Variants in SMARCD1 observed in about 807,000 individuals in gnomAD.
SMARCD1 encodes the protein SWI/SNF-related matrix-associated actin-dependent regulator of chromatin subfamily D member 1.
A neutral mutation model predicts 70.8 loss-of-function variants in SMARCD1; 16 were observed. That is an observed-to-expected ratio of 0.23 (90% CI 0.15 to 0.34). The LOEUF is 0.34. Among genes scored for constraint, SMARCD1 ranks in the 10% least tolerant of loss-of-function variants. The pLI, the probability that SMARCD1 is intolerant of heterozygous loss-of-function variation, is 1.00. For missense variants in SMARCD1, 409 were observed against 655.5 expected, an observed-to-expected ratio of 0.62 and a Z score of 4.11; for synonymous variants, 249 against 246.0, an observed-to-expected ratio of 1.01 and a Z score of -0.11.
Position 50,097,596 on chromosome 12 carries a change from A to G in SMARCD1, c.1392+624A>G, listed in dbSNP as rs1035928871. Among the ~76,000 whole-genome samples the G allele has an allele frequency of 5.3e-5, 8 of 151,018 alleles. No homozygotes were observed. The East Asian group carries it at 5.9e-4, about 11-fold the overall frequency. ...AGTATGATACAAAGTAGTAAACCAC[A>G]TAAGACATTATCAGGCCAGGTGCGG... On this transcript the variant is annotated intron_variant, in intron 11 of 12. Coordinates refer to ENST00000394963, the MANE Select transcript of SMARCD1 (RefSeq NM_003076.5).
In SMARCD1 at chr12:50,085,537, G is replaced by T; in HGVS notation, c.168G>T (p.Ala56=). ...QGLYRSPMPG[A]AYPRPGMLPG... ...TGTACCGCTCCCCGATGCCCGGAGC[G>T]GCCTATCCGGTGAGTGGGGCAGGAG... Residue 56 remains alanine (A), a synonymous_variant, in exon 1 of 13, where the codon GCG becomes GCT. Transcript: ENST00000394963. 1 of 1,234,012 alleles carries T rather than the reference G, an allele frequency of 8.1e-7. No individual in the cohort carries two copies. Among genetic ancestry groups the T allele is most frequent in the East Asian group, 3.2e-5 (1 of 31,666 alleles). 76.4% of individuals were successfully genotyped at this position (1,234,012 alleles called of 1,614,324 possible).
At chr12:50,087,536 A>G (rs1369268172) in intron 5 of SMARCD1, 51 bp downstream of exon 5, 1 of 1,602,914 alleles carries the variant, frequency 6.2e-7, no homozygotes. Flanking sequence ...GCTGCTGGGA[A>G]TGAACAGTGT....
At chr12:50,094,925 G>A (rs761801171) in intron 10 of SMARCD1, among the ~76,000 whole-genome samples, 1 of 152,114 alleles carries the variant, frequency 6.6e-6, no homozygotes, top group Non-Finnish European at 1.5e-5. Flanking sequence ...AGCCTCCCAA[G>A]TAGCTGGGAT....
chr12:50,087,604 A>AGAG, intron 5 of SMARCD1, 119 bp downstream of exon 5: 3 of 1,198,592 alleles, frequency 2.5e-6, no homozygotes, highest in Non-Finnish European at 3.6e-6. Flanking sequence ...AGCAGTAAGG[A>AGAG]GAGGGACACT....
chr12:50,090,072 A>T, intron 7 of SMARCD1, 87 bp downstream of exon 7: 1 of 1,365,542 alleles, frequency 7.3e-7, no homozygotes, highest in South Asian at 1.2e-5. Context: ...TCTAGTTGTG[A>T]ATAATTTGCC....
rs746898820 is a variant in SMARCD1, at chr12:50,089,936, C to T, written c.824C>T (p.Pro275Leu). ...QETDGFQVKR[P>L]GDVNVRCTVL... ...ACCGATGGCTTTCAGGTGAAGCGGCCGGGAGACGTGAATGTACGGTGTACT... is the reference window on the plus strand; with the variant it reads ...ACCGATGGCTTTCAGGTGAAGCGGCTGGGAGACGTGAATGTACGGTGTACT... Residue 275 changes from proline (P) to leucine (L), a missense_variant, in exon 7 of 13, where the codon CCG (proline) becomes CTG (leucine). Around this residue, in one of 2 missense-constraint regions of SMARCD1, gnomAD observed 269 missense variants for 498.6 expected, o/e 0.54. Coordinates refer to ENST00000394963, the MANE Select transcript of SMARCD1 (RefSeq NM_003076.5). 4 of 1,614,020 alleles carry T rather than the reference C, an allele frequency of 2.5e-6. No homozygotes were observed. Among genetic ancestry groups the T allele is most frequent in the Non-Finnish European group, 3.4e-6 (4 of 1,180,028 alleles).
chr12:50,085,380 G>T lies in SMARCD1; in HGVS notation c.11G>T (p.Arg4Leu). Residue 4 changes from arginine (R) to leucine (L), a missense_variant, in exon 1 of 13, where the codon CGG becomes CTG. Arg to Leu is a moderately radical substitution (Grantham distance 102). Around this residue, in one of 2 missense-constraint regions of SMARCD1, gnomAD observed 140 missense variants for 156.9 expected, o/e 0.89. Coordinates refer to ENST00000394963, the MANE Select transcript of SMARCD1 (RefSeq NM_003076.5). Reference sequence around the variant, plus strand: ...GGCGGCTCCGGGAAGATGGCGGCCCGGGCGGGTTTCCAGTCTGTGGCTCCA... The same window carrying T: ...GGCGGCTCCGGGAAGATGGCGGCCCTGGCGGGTTTCCAGTCTGTGGCTCCA... The part of the protein sequence containing the change: MAA[R>L]AGFQSVAPSG... 2 of 1,264,256 alleles carry T rather than the reference G, an allele frequency of 1.6e-6. No individual in the cohort carries two copies. Among genetic ancestry groups the T allele is most frequent in the Non-Finnish European group, 2.0e-6 (2 of 1,007,066 alleles). 78.3% of individuals were successfully genotyped at this position (1,264,256 alleles called of 1,614,324 possible).
At chr12:50,088,956 T>G (rs1487987003) in intron 6 of SMARCD1, 2 of 177,174 alleles carry the variant, frequency 1.1e-5, no homozygotes, top group African/African-American at 2.4e-5. Context: ...TTAATAATGG[T>G]GAGATGTAGT....
chr12:50,094,290 T>C, intron 9 of SMARCD1, 147 bp from the exon 10 acceptor site: 4 of 712,504 alleles, frequency 5.6e-6, no homozygotes, highest in Non-Finnish European at 9.5e-6. Flanking sequence ...CACAATAAAG[T>C]GTAGAACATT....
At chr12:50,092,898 C>T (rs973889352) in intron 9 of SMARCD1, among the ~76,000 whole-genome samples, 9 of 152,082 alleles carry the variant, frequency 5.9e-5, no homozygotes, top group Admixed American at 2.0e-4. Flanking sequence ...ATTTGTTTGG[C>T]TGGGCGCAGT....
In SMARCD1 at chr12:50,094,079, A is replaced by T. The variant is rs115312237; in HGVS notation, c.1134-358A>T. On this transcript the variant is annotated intron_variant, in intron 9 of 12. Transcript: ENST00000394963. Reference sequence around the variant, plus strand: ...AAATATTTTTTTTAAAGGGAGAAAGATATATAGGAGACTGTAGCAGTGATT... The same window carrying T: ...AAATATTTTTTTTAAAGGGAGAAAGTTATATAGGAGACTGTAGCAGTGATT... Among the ~76,000 whole-genome samples the T allele has an allele frequency of 9.3e-3, 1,423 of 152,282 alleles. 14 individuals carry two copies. The highest frequency in any genetic ancestry group is 0.033 in the African/African-American group (1,368 of 41,538).
intron 9 of SMARCD1, among the ~76,000 whole-genome samples, chr12:50,093,063 C>T (rs1011957345): frequency 6.6e-6 from 1 of 151,744 alleles, no homozygotes; most frequent in Non-Finnish European, 1.5e-5. Context: ...GTAGTCCCAG[C>T]TACTTGGGAG....
At chr12:50,086,530 T>G in intron 2 of SMARCD1, 91 bp from the exon 3 acceptor site, 1 of 1,338,338 alleles carries the variant, frequency 7.5e-7, no homozygotes, top group South Asian at 1.2e-5. Flanking sequence ...TTGCAGTCCC[T>G]TCACATTACT....
chr12:50,092,258 GAGAC>G (rs1182825302), intron 9 of SMARCD1, among the ~76,000 whole-genome samples: 42 of 7,602 alleles, frequency 5.5e-3, no homozygotes, highest in African/African-American at 0.017. Context: ...TTTTTTTTTT[GAGAC>G]AGACAGAATC....
chr12:50,088,722 G>A (rs1430079699), intron 6 of SMARCD1, 85 bp downstream of exon 6: 2 of 732,444 alleles, frequency 2.7e-6, no homozygotes, highest in Admixed American at 5.1e-5. Flanking sequence ...AGGAGATGGG[G>A]AGGTATAAAG....
intron 10 of SMARCD1, 109 bp downstream of exon 10, chr12:50,094,681 G>A: frequency 1.9e-6 from 2 of 1,043,540 alleles, no homozygotes; most frequent in Non-Finnish European, 2.9e-6. Context: ...CCCAGTATAT[G>A]TCAGGTACTG....
intron 9 of SMARCD1, among the ~76,000 whole-genome samples, chr12:50,092,443 C>T (rs981497766): frequency 6.7e-6 from 1 of 150,078 alleles, no homozygotes; most frequent in Admixed American, 6.6e-5. Flanking sequence ...AGGATGGTCT[C>T]GATCTCTTGG....
chr12:50,085,557 C>T lies in SMARCD1; in HGVS notation c.177+11C>T, dbSNP rs941999997. The T allele has an allele frequency of 8.2e-7, 1 of 1,226,916 alleles. No homozygotes were observed. The highest frequency in any genetic ancestry group is 1.0e-6 in the Non-Finnish European group (1 of 985,050). The allele number at this position is 1,226,916 out of a possible 1,614,324, so 76.0% of individuals were successfully genotyped here. A position where few individuals can be genotyped will look rare whatever the true frequency, so the allele number is the denominator to read the frequency against. On this transcript the variant is annotated intron_variant, in intron 1 of 12. Transcript: ENST00000394963. The stretch of plus-strand genomic sequence containing the variant: ...GGAGCGGCCTATCCGGTGAGTGGGG[C>T]AGGAGGAGGGGCGCGCGGGCCGGGG...
chr12:50,088,571 C>G lies in SMARCD1; in HGVS notation c.705C>G (p.Ser235=), dbSNP rs1225364441. 11 of 1,611,438 alleles carry G rather than the reference C, an allele frequency of 6.8e-6. No individual in the cohort carries two copies. The South Asian group carries it at 1.2e-4, about 18-fold the overall frequency. Residue 235 remains serine (S), a synonymous_variant, in exon 6 of 13, where the codon TCC becomes TCG. Coordinates refer to ENST00000394963, the MANE Select transcript of SMARCD1 (RefSeq NM_003076.5). Reference sequence around the variant, plus strand: ...CTAAACAAAAGAGGAAGTTCTCTTCCTTTTTTAAGTCCTTGGTGATTGAAC... The same window carrying G: ...CTAAACAAAAGAGGAAGTTCTCTTCGTTTTTTAAGTCCTTGGTGATTGAAC... ...DATKQKRKFS[S]FFKSLVIELD...
Sources: allele counts gnomAD v4.1 joint callset (sites outside exome capture counted in the v4.1 genomes callset), GRCh38; gene constraint gnomAD v4.1.1; regional missense constraint gnomAD v4.1.1; transcripts MANE v1.5; gene names NCBI Gene and HGNC (gene_info 2026-07-23, HGNC 2026-07-21).